DST: variants seen among roughly 807,000 people sequenced by gnomAD.
DST encodes the protein dystonin.
Under a neutral mutation model 875.2 loss-of-function variants are expected in DST, and 253 were observed. The observed-to-expected ratio is 0.29, with a 90% CI of 0.26 to 0.32. The LOEUF (loss-of-function observed/expected upper bound fraction) is 0.32, where lower values mean the gene tolerates loss of function less well. Ranked by LOEUF, DST falls within the 10% of genes least tolerant of loss-of-function variation. DST has a pLI of 1.00. For missense variants in DST, 8,287 were observed against 9,111.6 expected (o/e 0.91, Z 3.68); for synonymous variants, 3,124 against 3,197.1 (o/e 0.98, Z 0.77).
intron 5 of DST, among the ~76,000 whole-genome samples, chr6:56,721,303 G>A (rs2099415569): frequency 6.6e-6 from 1 of 152,248 alleles, no homozygotes; most frequent in South Asian, 2.1e-4. Flanking sequence ...AATTTGTGCA[G>A]TTAACGCAAT....
At chr6:56,696,831 GCTC>G in intron 9 of DST, among the ~76,000 whole-genome samples, 2 of 152,096 alleles carry the variant, frequency 1.3e-5, no homozygotes, top group South Asian at 4.1e-4. Flanking sequence ...CTCTCCAAAT[GCTC>G]CTTTTTTCTC....
intron 9 of DST, among the ~76,000 whole-genome samples, chr6:56,690,693 C>T (rs1431229538): frequency 2.6e-5 from 4 of 152,110 alleles, no homozygotes; most frequent in African/African-American, 4.8e-5. Context: ...CAGTCATTTC[C>T]GGGATGAAAT....
chr6:56,778,074 T>C (rs1392186435), intron 4 of DST, among the ~76,000 whole-genome samples: 1 of 152,174 alleles, frequency 6.6e-6, no homozygotes, highest in Non-Finnish European at 1.5e-5. Context: ...GGTTCAGTTA[T>C]TCCAGTTACA....
intron 3 of DST, among the ~76,000 whole-genome samples, chr6:56,869,781 C>A (rs1218321848): frequency 6.6e-6 from 1 of 152,110 alleles, no homozygotes; most frequent in Non-Finnish European, 1.5e-5. Context: ...ACCTCCCAGG[C>A]TGAAACGAGC....
In DST at chr6:56,465,804, TAA is replaced by T. The variant is rs1342704888; in HGVS notation, c.22687+272_22687+273del. 6.1e-5 allele frequency among the ~76,000 whole-genome samples: 9 copies of T among 148,646 alleles called. 1 individual carries two copies. The highest frequency in any genetic ancestry group is 2.2e-4 in the African/African-American group (9 of 40,346). On this transcript the variant is annotated intron_variant, in intron 99 of 103. Transcript: ENST00000680361. ...ATAATTGTTTGGAAAATCGTAGATG[TAA>T]AAGTCTCCTAAAGAAAATGGATTCT... is the stretch of plus-strand genomic sequence containing the variant.
intron 32 of DST, 52 bp from the exon 33 acceptor site, chr6:56,628,213 G>C: frequency 6.6e-7 from 1 of 1,514,136 alleles, no homozygotes; most frequent in Non-Finnish European, 9.2e-7. Context: ...TCCATCAGGA[G>C]GGTGGAAGAT....
At chr6:56,616,336 C>T in intron 36 of DST, 1 of 1,613,700 alleles carries the variant, frequency 6.2e-7, no homozygotes, top group Non-Finnish European at 8.5e-7. Flanking sequence ...ACATAGCTTC[C>T]TTCCACTGAT....
chr6:56,605,082 A>C lies in DST; in HGVS notation c.9546T>G (p.Thr3182=), dbSNP rs1234118188. The change falls in exon 40 of 104, where the codon ACT becomes ACG. Residue 3182 remains threonine (T), a synonymous_variant. Transcript: ENST00000680361. ...TATTTTTAGCACAATGTTTTAAGTAAGTAAACAGATCAAGCTCTTTCTCAG... is the reference window on the plus strand; with the variant it reads ...TATTTTTAGCACAATGTTTTAAGTACGTAAACAGATCAAGCTCTTTCTCAG... The part of the protein sequence containing the change: ...DGPEKELDLF[T]YLKHCAKNIK... The C allele has an allele frequency of 5.0e-6, 8 of 1,612,728 alleles. No individual in the cohort carries two copies. The African/African-American group carries it at 8.0e-5, about 16-fold the overall frequency.
chr6:56,807,476 C>A (rs2099754531), intron 4 of DST, among the ~76,000 whole-genome samples: 2 of 152,200 alleles, frequency 1.3e-5, no homozygotes, highest in Non-Finnish European at 2.9e-5. Flanking sequence ...CTGGGACTCA[C>A]ATTACCTGAT....
intron 36 of DST, chr6:56,619,166 T>A (rs768688070): frequency 1.2e-6 from 2 of 1,614,130 alleles, no homozygotes; most frequent in South Asian, 2.2e-5. Flanking sequence ...GCGTAGCTGA[T>A]CTTTAAAACC....
chr6:56,779,776 C>A (rs1315106728), intron 4 of DST, among the ~76,000 whole-genome samples: 1 of 149,840 alleles, frequency 6.7e-6, no homozygotes. Context: ...GCACAATATG[C>A]AGGTTAGTTA....
chr6:56,478,481 C>T lies in DST; in HGVS notation c.21532-993G>A, dbSNP rs1452333637. 4.6e-5 allele frequency among the ~76,000 whole-genome samples: 7 copies of T among 152,168 alleles called. No homozygotes were observed. The South Asian group carries it at 8.3e-4, about 18-fold the overall frequency. On this transcript the variant is annotated intron_variant, in intron 90 of 103. Transcript: ENST00000680361. ...AGCGGAATGAACAAAGCCTTGACAT[C>T]CTCAAGGATGATCTTTCAAATAAAT...
chr6:56,756,848 T>C (rs1341739290), intron 4 of DST, among the ~76,000 whole-genome samples: 2 of 152,200 alleles, frequency 1.3e-5, no homozygotes, highest in Non-Finnish European at 2.9e-5. Context: ...CCAAGTTCAA[T>C]CATGAATTAA....
chr6:56,720,607 C>A (rs1023478839), intron 5 of DST, among the ~76,000 whole-genome samples: 10 of 152,092 alleles, frequency 6.6e-5, no homozygotes, highest in African/African-American at 2.4e-4. Flanking sequence ...ACATCTTGCA[C>A]CGCCCTTAAT....
At chr6:56,622,210 C>T (rs2098695834) in intron 36 of DST, among the ~76,000 whole-genome samples, 1 of 152,084 alleles carries the variant, frequency 6.6e-6, no homozygotes, top group Non-Finnish European at 1.5e-5. Flanking sequence ...TTTAGAAAAA[C>T]TAAAAATTCC....
intron 4 of DST, among the ~76,000 whole-genome samples, chr6:56,790,276 A>C (rs2099716561): frequency 6.6e-6 from 1 of 152,170 alleles, no homozygotes; most frequent in African/African-American, 2.4e-5. Flanking sequence ...AGTAAGTTTT[A>C]TCATGCCCGT....
At chr6:56,729,456 G>A (rs1297083581) in intron 5 of DST, among the ~76,000 whole-genome samples, 2 of 152,112 alleles carry the variant, frequency 1.3e-5, no homozygotes, top group African/African-American at 4.8e-5. Context: ...TGGGCGTGGT[G>A]GCACATGCCT....
intron 9 of DST, among the ~76,000 whole-genome samples, chr6:56,680,265 T>G (rs911634470): frequency 1.3e-5 from 2 of 152,186 alleles, no homozygotes; most frequent in Non-Finnish European, 2.9e-5. Context: ...AGTGAGGGAA[T>G]TCTTGTTCAT....
chr6:56,802,862 C>A (rs879929723), intron 4 of DST, among the ~76,000 whole-genome samples: 66 of 152,240 alleles, frequency 4.3e-4, no homozygotes, highest in African/African-American at 1.6e-3. Context: ...TCTTTGTCTT[C>A]AGTAAATTCC....
Sources: gnomAD v4.1 joint callset for allele counts (sites outside exome capture counted in the v4.1 genomes callset) on GRCh38, gnomAD v4.1.1 for gene constraint, MANE v1.5 for transcripts, NCBI Gene and HGNC (gene_info 2026-07-23, HGNC 2026-07-21) for gene names.